CHCHD3: variants seen among roughly 807,000 people sequenced by gnomAD.
CHCHD3 encodes MICOS complex subunit MIC19.
Under a neutral mutation model 38.2 loss-of-function variants are expected in CHCHD3, and 20 were observed. The ratio of observed to expected loss-of-function variants is 0.52; its 90% CI spans 0.37 to 0.76. The LOEUF (loss-of-function observed/expected upper bound fraction) is 0.76, where lower values mean the gene tolerates loss of function less well. Among genes scored for constraint, CHCHD3 ranks in the 30% least tolerant of loss-of-function variants. The pLI is 0.00. For synonymous variants in CHCHD3, 82 were observed against 100.0 expected (o/e 0.82, Z 1.07); for missense variants, 245 against 279.2 (o/e 0.88, Z 0.87).
chr7:132,880,202 C>CT (rs972469930), intron 5 of CHCHD3, among the ~76,000 whole-genome samples: 2 of 152,160 alleles, frequency 1.3e-5, no homozygotes, highest in Non-Finnish European at 2.9e-5. Flanking sequence ...CAGCTAAATG[C>CT]TTAAGCATGG....
chr7:132,934,662 T>C (rs1179603741), intron 4 of CHCHD3, among the ~76,000 whole-genome samples: 2 of 152,126 alleles, frequency 1.3e-5, no homozygotes, highest in Non-Finnish European at 2.9e-5. Flanking sequence ...ACTCAACAAA[T>C]GTTTGCTTCC....
chr7:132,872,568 T>C (rs925512821), intron 5 of CHCHD3, among the ~76,000 whole-genome samples: 2 of 152,224 alleles, frequency 1.3e-5, no homozygotes, highest in Admixed American at 6.5e-5. Flanking sequence ...TCAGCACCTT[T>C]CCTATCAATT....
intron 3 of CHCHD3, among the ~76,000 whole-genome samples, chr7:132,983,635 G>C (rs544146058): frequency 1.6e-4 from 25 of 152,222 alleles, no homozygotes; most frequent in African/African-American, 6.0e-4. Context: ...ATTTTTCATT[G>C]TTTATTACAA....
intron 2 of CHCHD3, among the ~76,000 whole-genome samples, chr7:133,064,728 T>C (rs1814620440): frequency 6.6e-6 from 1 of 152,208 alleles, no homozygotes. Flanking sequence ...TCTTTCTTAT[T>C]TTTCACAATG....
At chr7:133,011,690 T>G (rs1812877350) in intron 3 of CHCHD3, among the ~76,000 whole-genome samples, 1 of 152,108 alleles carries the variant, frequency 6.6e-6, no homozygotes, top group African/African-American at 2.4e-5. Context: ...GGTAATTCAT[T>G]TCTAATATAT....
intron 3 of CHCHD3, among the ~76,000 whole-genome samples, chr7:132,988,751 C>CA (rs201997081): frequency 6.0e-5 from 9 of 150,662 alleles, no homozygotes; most frequent in East Asian, 2.0e-4. Context: ...CCATCTCTAA[C>CA]AAAAAAAAAT....
chr7:133,034,489 T>G, intron 2 of CHCHD3: 6 of 878,374 alleles, frequency 6.8e-6, no homozygotes, highest in Non-Finnish European at 8.4e-6. Context: ...TTCAAGTCCT[T>G]TCAGCAATTG....
At chr7:133,050,122 G>A (rs1325335191) in intron 2 of CHCHD3, among the ~76,000 whole-genome samples, 1 of 151,932 alleles carries the variant, frequency 6.6e-6, no homozygotes, top group Non-Finnish European at 1.5e-5. Flanking sequence ...TGAGGCGGGA[G>A]GATCACTTAA....
chr7:133,074,117 A>AGCCTTTCCACATTCACCTTTCT (rs1814908525), intron 1 of CHCHD3, among the ~76,000 whole-genome samples: 1 of 152,220 alleles, frequency 6.6e-6, no homozygotes, highest in South Asian at 2.1e-4. Context: ...AACAGGAATT[A>AGCCTTTCCACATTCACCTTTCT]GCCTTTCCAC....
At chr7:132,886,797 C>T (rs1809229395) in intron 4 of CHCHD3, among the ~76,000 whole-genome samples, 1 of 151,604 alleles carries the variant, frequency 6.6e-6, no homozygotes, top group Non-Finnish European at 1.5e-5. Flanking sequence ...ATGCATCCAG[C>T]CATCCATTAA....
At chr7:133,034,945 A>C in intron 2 of CHCHD3, 7 of 1,602,180 alleles carry the variant, frequency 4.4e-6, no homozygotes, top group Non-Finnish European at 6.0e-6. Flanking sequence ...GGGAAGCGAT[A>C]CTCTGAGTAC....
At chr7:132,923,321 T>C (rs1468020889) in intron 4 of CHCHD3, among the ~76,000 whole-genome samples, 3 of 152,178 alleles carry the variant, frequency 2.0e-5, no homozygotes, top group Non-Finnish European at 4.4e-5. Context: ...CACAGTTGGA[T>C]AAAGTATGGC....
At chr7:133,015,429 A>G (rs184107474) in intron 3 of CHCHD3, among the ~76,000 whole-genome samples, 2 of 152,218 alleles carry the variant, frequency 1.3e-5, no homozygotes, top group East Asian at 3.9e-4. Context: ...AACTGTAAAG[A>G]CAGGTTCTCA....
chr7:132,929,903 AT>A (rs985382011), intron 4 of CHCHD3, among the ~76,000 whole-genome samples: 3 of 152,148 alleles, frequency 2.0e-5, no homozygotes, highest in South Asian at 2.1e-4. Context: ...CGAATATGGC[AT>A]ATTATTTCCT....
chr7:133,020,442 T>C (rs1813147889), intron 3 of CHCHD3, among the ~76,000 whole-genome samples: 1 of 152,184 alleles, frequency 6.6e-6, no homozygotes, highest in Non-Finnish European at 1.5e-5. Flanking sequence ...TCTAAAAGCA[T>C]GTGGCCCTAC....
At chr7:132,919,100 CTTTTTTTTTTT>C (rs5887600) in intron 4 of CHCHD3, among the ~76,000 whole-genome samples, 8 of 69,502 alleles carry the variant, frequency 1.2e-4, no homozygotes, top group East Asian at 5.7e-4. Flanking sequence ...TGGGTTTATT[CTTTTTTTTTTT>C]TTTTTTTTTT....
intron 6 of CHCHD3, among the ~76,000 whole-genome samples, chr7:132,834,032 C>T (rs951879804): frequency 6.6e-6 from 1 of 152,090 alleles, no homozygotes; most frequent in African/African-American, 2.4e-5. Context: ...TGTTGAGTTC[C>T]GGTTCAGGTT....
At chr7:132,937,813 T>C (rs1429130143) in intron 4 of CHCHD3, among the ~76,000 whole-genome samples, 1 of 152,216 alleles carries the variant, frequency 6.6e-6, no homozygotes, top group African/African-American at 2.4e-5. Context: ...CTCTTGTAAT[T>C]AGTGAAACTT....
intron 6 of CHCHD3, among the ~76,000 whole-genome samples, chr7:132,821,687 T>C (rs1807377985): frequency 6.6e-6 from 1 of 150,964 alleles, no homozygotes; most frequent in African/African-American, 2.4e-5. Context: ...AATAGATGTA[T>C]CATTAATAAG....
Sources: allele counts gnomAD v4.1 joint callset (sites outside exome capture counted in the v4.1 genomes callset), GRCh38; gene constraint gnomAD v4.1.1; transcripts MANE v1.5; gene names NCBI Gene and HGNC (gene_info 2026-07-23, HGNC 2026-07-21).